Variants in DHX9 observed in about 807,000 individuals in gnomAD.
The protein encoded by DHX9 is ATP-dependent RNA helicase A.
Under a neutral mutation model 148.7 loss-of-function variants are expected in DHX9, and 27 were observed. That is an observed-to-expected ratio of 0.18 (90% CI 0.13 to 0.25). The LOEUF is 0.25. Ranked by LOEUF, DHX9 falls within the 10% of genes least tolerant of loss-of-function variation. The pLI is 1.00. For missense variants in DHX9, 796 were observed against 1,559.6 expected, an observed-to-expected ratio of 0.51 and a Z score of 8.25; for synonymous variants, 529 against 516.6, an observed-to-expected ratio of 1.02 and a Z score of -0.33.
chr1:182,866,051 C>G (rs185461949), intron 12 of DHX9, among the ~76,000 whole-genome samples: 9 of 152,318 alleles, frequency 5.9e-5, no homozygotes, highest in Admixed American at 3.9e-4. Flanking sequence ...AAGGTGGTCA[C>G]AGTACATATG....
Position 182,877,930 on chromosome 1 carries a change from A to G in DHX9, c.2199-91A>G. The stretch of plus-strand genomic sequence containing the variant: ...ATCACAAGTAGGTATGGCTTTAACT[A>G]CATAGTGGAAAGCATTCACTACTTA... On this transcript the variant is annotated intron_variant, in intron 19 of 27. Coordinates refer to ENST00000367549, the MANE Select transcript of DHX9 (RefSeq NM_001357.5). The G allele has an allele frequency of 3.5e-6, 5 of 1,414,632 alleles. No homozygotes were observed. The South Asian group carries it at 3.8e-5, about 11-fold the overall frequency. 87.6% of individuals were successfully genotyped at this position (1,414,632 alleles called of 1,614,324 possible). A position where few individuals can be genotyped will look rare whatever the true frequency, so the allele number is the denominator to read the frequency against.
intron 21 of DHX9, among the ~76,000 whole-genome samples, 197 bp from the exon 22 acceptor site, chr1:182,880,300 C>G (rs1649029683): frequency 6.6e-6 from 1 of 152,048 alleles, no homozygotes; most frequent in Non-Finnish European, 1.5e-5. Context: ...GTTGTAGTAC[C>G]TTTATGTTGG....
chr1:182,854,134 C>T lies in DHX9; in HGVS notation c.582C>T (p.Ile194=), dbSNP rs367906616. The T allele has an allele frequency of 8.1e-6, 13 of 1,613,554 alleles. No individual in the cohort carries two copies. The highest frequency in any genetic ancestry group is 8.0e-5 in the African/African-American group (6 of 74,896). ...ACCAATATTTTCAGAAAGAAAAGAT[C>T]CAAGGAGAATATAAGTACACCCAAG... ...RLNQYFQKEK[I]QGEYKYTQVG... is the part of the protein sequence containing the mutation. The change falls in exon 6 of 28, where the codon ATC becomes ATT. Residue 194 remains isoleucine (I), a synonymous_variant. Transcript: ENST00000367549.
intron 19 of DHX9, chr1:182,877,289 G>A (rs1648851424): frequency 6.2e-6 from 1 of 161,514 alleles, no homozygotes; most frequent in African/African-American, 2.4e-5. Context: ...CTCCTTTAAG[G>A]ATTAAGGGTC....
chr1:182,842,848 A>G (rs1370173973), intron 2 of DHX9, among the ~76,000 whole-genome samples, 171 bp downstream of exon 2: 2 of 152,214 alleles, frequency 1.3e-5, no homozygotes, highest in African/African-American at 4.8e-5. Flanking sequence ...TTACTTTTAA[A>G]ACAATCTGAC....
At chr1:182,839,947 C>T (rs541860644) in intron 1 of DHX9, 2 of 152,258 alleles carry the variant, frequency 1.3e-5, no homozygotes, top group African/African-American at 2.4e-5. Context: ...TAAGGCGTCT[C>T]GAAGGAGGGA....
chr1:182,863,543 C>G (rs573626647), intron 12 of DHX9, among the ~76,000 whole-genome samples: 10 of 152,144 alleles, frequency 6.6e-5, no homozygotes, highest in Admixed American at 1.3e-4. Context: ...ACTTGTTTTA[C>G]CTATGAGCCT....
chr1:182,842,939 C>G (rs1280318741), intron 2 of DHX9, among the ~76,000 whole-genome samples: 1 of 152,230 alleles, frequency 6.6e-6, no homozygotes, highest in Non-Finnish European at 1.5e-5. Flanking sequence ...GTTGGATCAA[C>G]TGTTTGCAGT....
intron 14 of DHX9, among the ~76,000 whole-genome samples, chr1:182,868,706 A>G (rs1571313314): frequency 6.6e-6 from 1 of 151,886 alleles, no homozygotes; most frequent in East Asian, 1.9e-4. Flanking sequence ...TAGTAGAGAG[A>G]GGATTTCACC....
At chr1:182,855,631 G>T (rs1359648380) in intron 6 of DHX9, 3 of 985,328 alleles carry the variant, frequency 3.0e-6, no homozygotes, top group East Asian at 1.1e-4. Context: ...AAACATACTG[G>T]CATCGATGTC....
At chr1:182,869,843 C>T (rs1648484773) in intron 14 of DHX9, among the ~76,000 whole-genome samples, 1 of 152,210 alleles carries the variant, frequency 6.6e-6, no homozygotes, top group African/African-American at 2.4e-5. Context: ...AGGTGATCTG[C>T]CTGCCTCAGC....
intron 3 of DHX9, among the ~76,000 whole-genome samples, chr1:182,844,018 G>A (rs573839604): frequency 4.6e-5 from 7 of 152,244 alleles, no homozygotes; most frequent in East Asian, 3.9e-4. Context: ...GAGTGATCTC[G>A]GCTCACTGCA....
intron 12 of DHX9, among the ~76,000 whole-genome samples, chr1:182,863,012 C>G (rs541217931): frequency 1.6e-4 from 24 of 152,214 alleles, no homozygotes; most frequent in African/African-American, 5.5e-4. Context: ...TAGTAAAATT[C>G]TAAAGAGAAA....
At chr1:182,852,417 G>C (rs534396745) in intron 4 of DHX9, 73 bp downstream of exon 4, 17 of 1,103,008 alleles carry the variant, frequency 1.5e-5, no homozygotes, top group Middle Eastern at 2.1e-4. Context: ...TCTGTTTCTC[G>C]TTTTGGGTAG....
chr1:182,857,398 A>G (rs912743316), intron 7 of DHX9, among the ~76,000 whole-genome samples: 2 of 152,240 alleles, frequency 1.3e-5, no homozygotes, highest in Non-Finnish European at 2.9e-5. Context: ...ACTTAGCTTT[A>G]GTTTAATGCT....
intron 12 of DHX9, among the ~76,000 whole-genome samples, chr1:182,861,131 A>G (rs1343221057): frequency 1.3e-5 from 2 of 152,162 alleles, no homozygotes; most frequent in African/African-American, 2.4e-5. Flanking sequence ...TATAATTAGT[A>G]TATTTGTATA....
At position 182,876,838 on chromosome 1, in the gene DHX9, G is replaced by T. The variant is rs749622246; in HGVS notation, c.2133G>T (p.Leu711Phe). 1 of 1,609,910 alleles carries T rather than the reference G, an allele frequency of 6.2e-7. No individual in the cohort carries two copies. ...TTTTTCTTTCTTCACAGGTTATTTT[G>T]TCCACAAATATTGCTGAAACAAGCA... is the stretch of plus-strand genomic sequence containing the variant. ...PVPVGVTKVI[L>F]STNIAETSIT... is the part of the protein sequence containing the mutation. Residue 711 changes from leucine (L) to phenylalanine (F), a missense_variant, in exon 19 of 28, where the codon TTG (leucine) becomes TTT (phenylalanine). Coordinates refer to ENST00000367549, the MANE Select transcript of DHX9 (RefSeq NM_001357.5).
intron 26 of DHX9, among the ~76,000 whole-genome samples, chr1:182,884,258 A>G (rs555661812): frequency 2.8e-4 from 43 of 152,260 alleles, no homozygotes; most frequent in Middle Eastern, 3.4e-3. Flanking sequence ...GCAACAGAGC[A>G]AGACTCTGTC....
chr1:182,881,219 AAC>A, intron 22 of DHX9, 43 bp from the exon 23 acceptor site: 1 of 1,577,416 alleles, frequency 6.3e-7, no homozygotes, highest in South Asian at 1.2e-5. Context: ...TGCTGGCAAC[AAC>A]ATTGTGATCT....
Sources: gnomAD v4.1 joint callset for allele counts (sites outside exome capture counted in the v4.1 genomes callset) on GRCh38, gnomAD v4.1.1 for gene constraint, MANE v1.5 for transcripts, NCBI Gene and HGNC (gene_info 2026-07-23, HGNC 2026-07-21) for gene names.